Variants in IL1RAPL1 observed in about 807,000 individuals in gnomAD.
IL1RAPL1 encodes interleukin 1 receptor accessory protein like 1, also known as interleukin-1 receptor accessory protein-like 1.
In IL1RAPL1, 3 loss-of-function variants were observed where a neutral mutation model predicts 48.4. The observed-to-expected ratio is 0.06, with a 90% CI of 0.03 to 0.16. IL1RAPL1 has a LOEUF of 0.16. IL1RAPL1 is among the 10% of genes least tolerant of loss of function. The pLI is 1.00. For missense variants in IL1RAPL1, 349 were observed against 530.6 expected, an observed-to-expected ratio of 0.66 and a Z score of 3.36; for synonymous variants, 185 against 187.7, an observed-to-expected ratio of 0.99 and a Z score of 0.12.
chrX:29,823,297 G>C lies in IL1RAPL1; in HGVS notation c.779-94167G>C, dbSNP rs140816922. 2.0e-4 allele frequency among the ~76,000 whole-genome samples: 22 copies of C among 112,157 alleles called. No individual in the cohort carries two copies. The East Asian group carries it at 5.6e-3, about 29-fold the overall frequency. ...TAATAAATAATAGCCTGAGCAGCCA[G>C]ATAGTGTTCCTGTATTTGAGACTGA... On this transcript the variant is annotated intron_variant, in intron 6 of 10. Transcript: ENST00000378993.
chrX:29,052,620 G>A, intron 2 of IL1RAPL1, among the ~76,000 whole-genome samples: 1 of 105,170 alleles, frequency 9.5e-6, no homozygotes, highest in East Asian at 3.0e-4. Context: ...TATCTTGTCT[G>A]AATTTGAATT....
chrX:28,900,948 G>T (rs1383581611), intron 2 of IL1RAPL1, among the ~76,000 whole-genome samples: 1 of 111,533 alleles, frequency 9.0e-6, no homozygotes, highest in African/African-American at 3.3e-5. Context: ...CATATACTAG[G>T]TCCATTACAT....
chrX:29,669,365 T>C (rs1926085734), intron 6 of IL1RAPL1, among the ~76,000 whole-genome samples: 3 of 111,731 alleles, frequency 2.7e-5, no homozygotes, highest in Non-Finnish European at 5.7e-5. Flanking sequence ...AGGAATTTCT[T>C]CTTAGATTAA....
chrX:29,195,658 C>G (rs1307927536), intron 2 of IL1RAPL1, among the ~76,000 whole-genome samples: 1 of 104,463 alleles, frequency 9.6e-6, no homozygotes, highest in Non-Finnish European at 1.9e-5. Context: ...CTCCCGGGTT[C>G]AAGCGATTCT....
At chrX:29,561,573 A>G (rs767365901) in intron 5 of IL1RAPL1, among the ~76,000 whole-genome samples, 4 of 111,847 alleles carry the variant, frequency 3.6e-5, no homozygotes, top group African/African-American at 1.3e-4. Context: ...CAACATTCTG[A>G]CTAGCTATGC....
intron 5 of IL1RAPL1, among the ~76,000 whole-genome samples, chrX:29,512,509 G>A (rs1185823682): frequency 1.1e-5 from 1 of 88,628 alleles, no homozygotes; most frequent in Admixed American, 1.2e-4. Flanking sequence ...TAATTTGTAT[G>A]TCAAATCTCG....
At chrX:29,295,666 G>A (rs1019310576) in intron 3 of IL1RAPL1, among the ~76,000 whole-genome samples, 2 of 111,534 alleles carry the variant, frequency 1.8e-5, no homozygotes, top group Non-Finnish European at 3.8e-5. Flanking sequence ...CAGAGCGGAT[G>A]TATTGGCTGC....
chrX:29,563,627 A>C lies in IL1RAPL1; in HGVS notation c.704-104803A>C, dbSNP rs986071380. On this transcript the variant is annotated intron_variant, in intron 5 of 10. Coordinates refer to ENST00000378993, the MANE Select transcript of IL1RAPL1 (RefSeq NM_014271.4). ...GATTTATGAAAGTTCTTCTTTAATG[A>C]AACTTGTTTTTATGAGATCTCTGAA... Among the ~76,000 whole-genome samples the C allele has an allele frequency of 1.5e-4, 17 of 112,663 alleles. 1 individual carries two copies. The highest frequency in any genetic ancestry group is 3.9e-4 in the African/African-American group (12 of 31,081).
intron 1 of IL1RAPL1, among the ~76,000 whole-genome samples, chrX:28,724,274 G>C (rs1321406738): frequency 9.0e-5 from 10 of 111,352 alleles, no homozygotes; most frequent in Admixed American, 9.6e-5. Context: ...GAATCTGGGT[G>C]CTCCTGTATT....
At chrX:29,627,771 G>C (rs918559416) in intron 5 of IL1RAPL1, among the ~76,000 whole-genome samples, 7 of 111,945 alleles carry the variant, frequency 6.3e-5, no homozygotes, top group Admixed American at 9.5e-5. Flanking sequence ...AATAGGAAAA[G>C]ACACTTTAGT....
chrX:28,991,027 C>T (rs1433548841), intron 2 of IL1RAPL1, among the ~76,000 whole-genome samples: 1 of 111,586 alleles, frequency 9.0e-6, no homozygotes, highest in African/African-American at 3.3e-5. Context: ...TGGAGGCTTG[C>T]TCATAGAAAT....
At chrX:29,290,192 A>C (rs1932349137) in intron 3 of IL1RAPL1, among the ~76,000 whole-genome samples, 1 of 112,133 alleles carries the variant, frequency 8.9e-6, no homozygotes, top group Non-Finnish European at 1.9e-5. Flanking sequence ...ATACTATGAA[A>C]ATAGTTTAGA....
At chrX:29,380,473 C>T (rs189627932) in intron 3 of IL1RAPL1, among the ~76,000 whole-genome samples, 8 of 111,571 alleles carry the variant, frequency 7.2e-5, no homozygotes, top group East Asian at 5.7e-4. Flanking sequence ...GTGATCCACC[C>T]GCCTTGGCCT....
At chrX:29,335,583 A>G (rs901886342) in intron 3 of IL1RAPL1, among the ~76,000 whole-genome samples, 1 of 109,770 alleles carries the variant, frequency 9.1e-6, no homozygotes, top group African/African-American at 3.3e-5. Flanking sequence ...GTTACCACAA[A>G]CTTGGTGACT....
intron 5 of IL1RAPL1, among the ~76,000 whole-genome samples, chrX:29,549,238 C>A (rs1392137770): frequency 1.8e-5 from 2 of 111,465 alleles, no homozygotes; most frequent in African/African-American, 6.5e-5. Context: ...TAAAATCTTG[C>A]ATTGTCCTGC....
At chrX:28,844,481 C>A (rs1921458291) in intron 2 of IL1RAPL1, among the ~76,000 whole-genome samples, 1 of 109,609 alleles carries the variant, frequency 9.1e-6, no homozygotes, top group Non-Finnish European at 1.9e-5. Flanking sequence ...CGACAGGTGG[C>A]CAATCATCAG....
intron 2 of IL1RAPL1, among the ~76,000 whole-genome samples, chrX:28,862,133 A>G (rs1921961985): frequency 8.9e-6 from 1 of 112,276 alleles, no homozygotes; most frequent in Admixed American, 9.4e-5. Context: ...AACACTAGCT[A>G]TCAGATTAGT....
At chrX:29,634,504 T>A (rs1924902435) in intron 5 of IL1RAPL1, among the ~76,000 whole-genome samples, 1 of 110,859 alleles carries the variant, frequency 9.0e-6, no homozygotes, top group African/African-American at 3.3e-5. Flanking sequence ...GACTCCCTCC[T>A]ACCACCCCTC....
intron 6 of IL1RAPL1, among the ~76,000 whole-genome samples, chrX:29,833,532 G>A (rs1930928213): frequency 9.0e-6 from 1 of 111,155 alleles, no homozygotes; most frequent in Non-Finnish European, 1.9e-5. Context: ...ATGCTACTCT[G>A]AGCACATTTA....
Sources: gnomAD v4.1 joint callset for allele counts (sites outside exome capture counted in the v4.1 genomes callset) on GRCh38, gnomAD v4.1.1 for gene constraint, MANE v1.5 for transcripts, NCBI Gene and HGNC (gene_info 2026-07-23, HGNC 2026-07-21) for gene names.